SSBP3: variants seen among roughly 807,000 people sequenced by gnomAD.
SSBP3 encodes single stranded DNA binding protein 3.
A neutral mutation model predicts 69.6 loss-of-function variants in SSBP3; 5 were observed. The observed-to-expected ratio is 0.07, with a 90% CI of 0.04 to 0.15. The LOEUF is 0.15. SSBP3 is among the 10% of genes least tolerant of loss of function. The probability of loss-of-function intolerance (pLI) is 1.00; values close to 1 mark genes in which losing one functional copy is unlikely to be tolerated. For synonymous variants in SSBP3, 196 were observed against 193.4 expected (o/e 1.01, Z -0.11); for missense variants, 312 against 534.0 (o/e 0.58, Z 4.10).
intron 5 of SSBP3, among the ~76,000 whole-genome samples, chr1:54,261,879 T>C (rs372560626): frequency 1.3e-5 from 2 of 152,080 alleles, no homozygotes; most frequent in Admixed American, 6.6e-5. Flanking sequence ...AGGGGTCACC[T>C]GTTAGGTGGC....
intron 4 of SSBP3, among the ~76,000 whole-genome samples, chr1:54,381,516 A>T (rs1305112179): frequency 2.0e-5 from 3 of 151,932 alleles, no homozygotes; most frequent in Non-Finnish European, 2.9e-5. Flanking sequence ...TAACAGCCTT[A>T]TAAGGACATT....
intron 4 of SSBP3, among the ~76,000 whole-genome samples, chr1:54,377,078 T>C (rs995589864): frequency 2.0e-5 from 3 of 152,188 alleles, no homozygotes; most frequent in African/African-American, 4.8e-5. Flanking sequence ...TCAAGGGCAT[T>C]TAAAACATTC....
intron 4 of SSBP3, among the ~76,000 whole-genome samples, chr1:54,378,014 C>G (rs1033871571): frequency 6.6e-6 from 1 of 152,118 alleles, no homozygotes; most frequent in Non-Finnish European, 1.5e-5. Context: ...TCGGCCTCAA[C>G]ACAGCACAAA....
At chr1:54,262,996 C>T (rs541464320) in intron 5 of SSBP3, among the ~76,000 whole-genome samples, 3 of 152,212 alleles carry the variant, frequency 2.0e-5, no homozygotes, top group African/African-American at 7.2e-5. Flanking sequence ...AACTAACTCC[C>T]GCAGTTTCTT....
At chr1:54,300,937 G>A (rs1054569696) in intron 4 of SSBP3, among the ~76,000 whole-genome samples, 17 of 152,158 alleles carry the variant, frequency 1.1e-4, no homozygotes, top group South Asian at 4.1e-4. Flanking sequence ...TGATATCCAC[G>A]GGCATTTCCA....
intron 4 of SSBP3, among the ~76,000 whole-genome samples, chr1:54,358,387 A>G (rs1339339173): frequency 6.6e-6 from 1 of 152,198 alleles, no homozygotes; most frequent in East Asian, 1.9e-4. Context: ...TCAGGAGGCC[A>G]GGAGGGCAAG....
chr1:54,340,815 C>A (rs891681692), intron 4 of SSBP3, among the ~76,000 whole-genome samples: 9 of 152,226 alleles, frequency 5.9e-5, no homozygotes, highest in Non-Finnish European at 8.8e-5. Context: ...GGGCTGCAGG[C>A]TCCTACAAGT....
intron 4 of SSBP3, among the ~76,000 whole-genome samples, chr1:54,305,240 G>A (rs1415078184): frequency 6.6e-6 from 1 of 152,206 alleles, no homozygotes; most frequent in African/African-American, 2.4e-5. Context: ...ACATTCAGTA[G>A]CTGTGAGTTT....
chr1:54,368,247 A>G (rs12401380), intron 4 of SSBP3, among the ~76,000 whole-genome samples: 36,376 of 148,794 alleles, frequency 0.24, 5,729 homozygotes, highest in African/African-American at 0.45. Flanking sequence ...GCAGTGAGCC[A>G]AGATCACGCC....
intron 4 of SSBP3, among the ~76,000 whole-genome samples, chr1:54,366,177 CCT>C: frequency 6.6e-6 from 1 of 152,188 alleles, no homozygotes; most frequent in East Asian, 1.9e-4. Flanking sequence ...TGCTAACACC[CCT>C]CTGATGGCAT....
chr1:54,408,252 G>T (rs1361200735), upstream of SSBP3, among the ~76,000 whole-genome samples: 1 of 152,188 alleles, frequency 6.6e-6, no homozygotes, highest in Non-Finnish European at 1.5e-5. Flanking sequence ...AAGCATGGAG[G>T]TTGGGAGTTG....
chr1:54,355,897 G>A (rs1027040093), intron 4 of SSBP3, among the ~76,000 whole-genome samples: 2 of 152,048 alleles, frequency 1.3e-5, no homozygotes, highest in South Asian at 2.1e-4. Context: ...CCTCTCCTCC[G>A]CCCACCCTGC....
intron 4 of SSBP3, among the ~76,000 whole-genome samples, chr1:54,378,265 G>C (rs1212829381): frequency 1.3e-5 from 2 of 152,128 alleles, no homozygotes; most frequent in Non-Finnish European, 2.9e-5. Flanking sequence ...TCTGATTTTT[G>C]TTTAACCCCC....
chr1:54,264,645 C>T (rs1282311453), intron 5 of SSBP3, among the ~76,000 whole-genome samples: 1 of 152,176 alleles, frequency 6.6e-6, no homozygotes, highest in African/African-American at 2.4e-5. Flanking sequence ...ATCCCTCAAG[C>T]GAGGTGGGGA....
intron 4 of SSBP3, among the ~76,000 whole-genome samples, chr1:54,349,762 C>T (rs1232864198): frequency 2.6e-5 from 4 of 151,322 alleles, no homozygotes; most frequent in Non-Finnish European, 4.4e-5. Flanking sequence ...ATATCTTTTT[C>T]AAGAAATGCC....
chr1:54,295,830 T>A (rs1182855395), intron 4 of SSBP3, among the ~76,000 whole-genome samples: 1 of 152,176 alleles, frequency 6.6e-6, no homozygotes, highest in Non-Finnish European at 1.5e-5. Flanking sequence ...CCTGCTAGTT[T>A]CTGCCATTCT....
At chr1:54,364,334 G>A (rs1442488465) in intron 4 of SSBP3, among the ~76,000 whole-genome samples, 2 of 152,154 alleles carry the variant, frequency 1.3e-5, no homozygotes, top group African/African-American at 4.8e-5. Context: ...CCATCACAAA[G>A]GCTGCCGTAA....
intron 4 of SSBP3, among the ~76,000 whole-genome samples, chr1:54,389,889 A>AAT (rs201328039): frequency 1.0e-4 from 15 of 143,706 alleles, no homozygotes; most frequent in East Asian, 4.2e-4. Flanking sequence ...AAAAAAAAAA[A>AAT]TTTTTTTTTT....
At chr1:54,320,897 A>G (rs544734208) in intron 4 of SSBP3, among the ~76,000 whole-genome samples, 2 of 152,254 alleles carry the variant, frequency 1.3e-5, no homozygotes, top group Admixed American at 6.5e-5. Flanking sequence ...TGAATGAACA[A>G]GAGTACAAAA....
Sources: allele counts gnomAD v4.1 joint callset (sites outside exome capture counted in the v4.1 genomes callset), GRCh38; gene constraint gnomAD v4.1.1; transcripts MANE v1.5; gene names NCBI Gene and HGNC (gene_info 2026-07-23, HGNC 2026-07-21).